The following TIAM1 variants were observed in gnomAD, a reference collection of about 807,000 sequenced individuals.
TIAM1 encodes the protein rho guanine nucleotide exchange factor TIAM1.
Under a neutral mutation model 163.5 loss-of-function variants are expected in TIAM1, and 65 were observed. The observed-to-expected ratio is 0.40, with a 90% CI of 0.33 to 0.49. The LOEUF is 0.49. Ranked by LOEUF, TIAM1 falls within the 20% of genes least tolerant of loss-of-function variation. The pLI is 0.77. For synonymous variants in TIAM1, 833 were observed against 810.1 expected (o/e 1.03, Z -0.48); for missense variants, 1,789 against 2,044.7 (o/e 0.87, Z 2.41).
intron 2 of TIAM1, among the ~76,000 whole-genome samples, chr21:31,360,159 ACAG>A (rs756262782): frequency 1.3e-5 from 2 of 152,140 alleles, no homozygotes; most frequent in African/African-American, 2.4e-5. Context: ...CTCAGCAAGA[ACAG>A]ATGCCAGAAG....
At chr21:31,313,885 T>A (rs560706530) in intron 2 of TIAM1, among the ~76,000 whole-genome samples, 1 of 152,206 alleles carries the variant, frequency 6.6e-6, no homozygotes, top group Non-Finnish European at 1.5e-5. Flanking sequence ...CACACTTTTT[T>A]AAAAAAGATT....
At chr21:31,343,730 C>A (rs1196035360) in intron 1 of TIAM1, among the ~76,000 whole-genome samples, 1 of 152,160 alleles carries the variant, frequency 6.6e-6, no homozygotes, top group Non-Finnish European at 1.5e-5. Context: ...AATTACCCAA[C>A]GAGCAGCGGG....
At chr21:31,307,752 G>A (rs1320479554) in intron 2 of TIAM1, among the ~76,000 whole-genome samples, 1 of 152,166 alleles carries the variant, frequency 6.6e-6, no homozygotes, top group Non-Finnish European at 1.5e-5. Flanking sequence ...GGGGTAAGGG[G>A]AGAGGGGCCA....
At position 31,195,767 on chromosome 21, in the gene TIAM1, G is replaced by C. The variant is rs76461005; in HGVS notation, c.2494-462C>G. Among the ~76,000 whole-genome samples the C allele has an allele frequency of 6.6e-5, 10 of 152,250 alleles. No individual in the cohort carries two copies. In the East Asian group the frequency reaches 1.9e-3, roughly 29 times the overall value. Reference sequence around the variant, plus strand: ...AGCATTGAAACAGAAAACAAATTACGTAAAGGAGGATATTCTTTTTTTTAG... The same window carrying C: ...AGCATTGAAACAGAAAACAAATTACCTAAAGGAGGATATTCTTTTTTTTAG... On this transcript the variant is annotated intron_variant, in intron 12 of 27. Transcript: ENST00000541036.
At chr21:31,245,736 T>C in intron 5 of TIAM1, 76 bp from the exon 6 acceptor site, 8 of 1,255,660 alleles carry the variant, frequency 6.4e-6, no homozygotes, top group Non-Finnish European at 8.1e-6. Flanking sequence ...GAACCTAACA[T>C]GTGCACCCTG....
chr21:31,508,791 C>T lies in TIAM1; in HGVS notation c.-421-44756G>A, dbSNP rs566155002. On this transcript the variant is annotated intron_variant, in intron 1 of 28. Transcript: ENST00000286827. Reference sequence around the variant, plus strand: ...TGTGCCCTTAGACTATATCCGAGATCCTAGCGTTGAAGTGGTCCTAAGGTT... The same window carrying T: ...TGTGCCCTTAGACTATATCCGAGATTCTAGCGTTGAAGTGGTCCTAAGGTT... Among the ~76,000 whole-genome samples the T allele has an allele frequency of 3.6e-4, 55 of 152,214 alleles. No individual in the cohort carries two copies. In the South Asian group the frequency reaches 9.8e-3, roughly 27 times the overall value.
intron 12 of TIAM1, among the ~76,000 whole-genome samples, chr21:31,196,337 AGT>A (rs1373433270): frequency 2.8e-5 from 4 of 143,382 alleles, no homozygotes; most frequent in African/African-American, 1.0e-4. Flanking sequence ...TTTCACACGG[AGT>A]GTTGCTCTGT....
intron 2 of TIAM1, among the ~76,000 whole-genome samples, chr21:31,336,988 A>C (rs2075861983): frequency 6.6e-6 from 1 of 152,198 alleles, no homozygotes; most frequent in Admixed American, 6.5e-5. Context: ...GCAAGTATAA[A>C]GAGAATCCAA....
chr21:31,359,288 G>A (rs905177040), intron 2 of TIAM1, among the ~76,000 whole-genome samples: 6 of 152,048 alleles, frequency 3.9e-5, no homozygotes, highest in African/African-American at 1.4e-4. Context: ...TTTTTTAATA[G>A]TAATTCACAA....
chr21:31,213,735 T>C, intron 9 of TIAM1, among the ~76,000 whole-genome samples: 1 of 151,956 alleles, frequency 6.6e-6, no homozygotes, highest in East Asian at 1.9e-4. Flanking sequence ...TCATCTCTAC[T>C]TAAAGAAAAT....
chr21:31,206,428 A>C (rs1021789828), intron 11 of TIAM1, among the ~76,000 whole-genome samples: 1 of 152,234 alleles, frequency 6.6e-6, no homozygotes, highest in Non-Finnish European at 1.5e-5. Flanking sequence ...TGAATATTTA[A>C]ACATAGTAAT....
At chr21:31,425,856 C>A (rs887609262) in intron 2 of TIAM1, among the ~76,000 whole-genome samples, 5 of 151,884 alleles carry the variant, frequency 3.3e-5, no homozygotes, top group African/African-American at 1.2e-4. Context: ...GCCACCACAC[C>A]CACCTAATTT....
At position 31,438,435 on chromosome 21, in the gene TIAM1, A is replaced by G. The variant is rs565894129; in HGVS notation, c.-369+25548T>C. On this transcript the variant is annotated intron_variant, in intron 2 of 28. Coordinates refer to the TIAM1 transcript ENST00000286827. ...TCGAACTCCTGACCTCAAGTGACCC[A>G]CCCACCTCAGTCTCCCAAAGTGATG... Among the ~76,000 whole-genome samples, 9 of 151,746 alleles carry G rather than the reference A, an allele frequency of 5.9e-5. No homozygotes were observed. In the South Asian group the frequency reaches 1.9e-3, roughly 32 times the overall value.
At chr21:31,277,007 T>G (rs2073327165) in intron 2 of TIAM1, 99 bp from the exon 3 acceptor site, 1 of 152,136 alleles carries the variant, frequency 6.6e-6, no homozygotes, top group Non-Finnish European at 1.5e-5. Context: ...TTTCGTCAAT[T>G]CCATGACGTC....
chr21:31,148,223 G>A (rs980898789), intron 19 of TIAM1, among the ~76,000 whole-genome samples: 5 of 152,040 alleles, frequency 3.3e-5, no homozygotes, highest in African/African-American at 1.2e-4. Flanking sequence ...TGGTTTGGCT[G>A]TGTCCTCACT....
At chr21:31,268,815 A>C (rs2072916729) in intron 3 of TIAM1, among the ~76,000 whole-genome samples, 1 of 152,256 alleles carries the variant, frequency 6.6e-6, no homozygotes, top group South Asian at 2.1e-4. Flanking sequence ...AAATAAATAA[A>C]TATGCATTTC....
At position 31,266,052 on chromosome 21, in the gene TIAM1, G is replaced by T. The variant is rs1182237386; in HGVS notation, c.921C>A (p.Ser307Arg). ...TTCTGCCTTGCATGCTGTTGCTATG[G>T]CTAATTTGTGGGTTGGTGGCACCTT... ...LSEGATNPQI[S>R]HSNSMQGRRA... is the part of the protein sequence containing the mutation. The change falls in exon 4 of 28, where the codon AGC becomes AGA. Residue 307 changes from serine (S) to arginine (R), a missense_variant. Ser to Arg is a moderately radical substitution (Grantham distance 110). Coordinates refer to ENST00000541036, the MANE Select transcript of TIAM1 (RefSeq NM_001353694.2). 3.7e-6 allele frequency: 6 copies of T among 1,614,060 alleles called. No homozygotes were observed. In the African/African-American group the frequency reaches 8.0e-5, roughly 22 times the overall value.
At chr21:31,361,837 T>TCAGATAGATAGA (rs985053281) in intron 2 of TIAM1, among the ~76,000 whole-genome samples, 1 of 147,596 alleles carries the variant, frequency 6.8e-6, no homozygotes, top group Non-Finnish European at 1.5e-5. Flanking sequence ...GGAAGAAAGA[T>TCAGATAGATAGA]TAGATAGATA....
chr21:31,432,904 G>A lies in TIAM1; in HGVS notation c.-369+31079C>T, dbSNP rs79085745. Among the ~76,000 whole-genome samples, 151 of 152,242 alleles carry A rather than the reference G, an allele frequency of 9.9e-4. 3 individuals are homozygous for A. The East Asian group carries it at 0.028, about 28-fold the overall frequency. ...GTGGCAATGATCAGAATTACATGTC[G>A]GAAAACAACTCTAATGGCTGGATGA... is the stretch of plus-strand genomic sequence containing the variant. On this transcript the variant is annotated intron_variant, in intron 2 of 28. Transcript: ENST00000286827.
Sources: gnomAD v4.1 joint callset for allele counts (sites outside exome capture counted in the v4.1 genomes callset) on GRCh38, gnomAD v4.1.1 for gene constraint, MANE v1.5 for transcripts, NCBI Gene and HGNC (gene_info 2026-07-23, HGNC 2026-07-21) for gene names.